JPT2: variants seen among roughly 807,000 people sequenced by gnomAD.
JPT2 encodes the protein Jupiter microtubule associated homolog 2, also known as CRAMP_1 like.
In JPT2, 9 loss-of-function variants were observed where a neutral mutation model predicts 15.9. The ratio of observed to expected loss-of-function variants is 0.57; its 90% CI spans 0.34 to 0.99. The LOEUF (loss-of-function observed/expected upper bound fraction) is 0.99, where lower values mean the gene tolerates loss of function less well. Ranked by LOEUF, JPT2 falls within the 50% of genes least tolerant of loss-of-function variation. The pLI, the probability that JPT2 is intolerant of heterozygous loss-of-function variation, is 0.02. For synonymous variants in JPT2, 95 were observed against 91.7 expected (o/e 1.04, Z -0.21); for missense variants, 267 against 252.1 (o/e 1.06, Z -0.40).
At position 1,699,854 on chromosome 16, in the gene JPT2, G is replaced by A. The variant is rs1316661904; in HGVS notation, c.*856G>A. ...ATAAATGAGGCCCGCTGACCTCTGC[G>A]GGACTTTAAAAATCTATTCAGATAT... On this transcript the variant is annotated 3_prime_UTR_variant, in exon 5 of 5. Coordinates refer to ENST00000248098, the MANE Select transcript of JPT2 (RefSeq NM_144570.3). The A allele has an allele frequency of 2.8e-5, 8 of 284,932 alleles. No homozygotes were observed. Among genetic ancestry groups the A allele is most frequent in the Admixed American group, 4.0e-5 (1 of 24,756 alleles). 17.7% of individuals were successfully genotyped at this position (284,932 alleles called of 1,614,324 possible). A position where few individuals can be genotyped will look rare whatever the true frequency, so the allele number is the denominator to read the frequency against.
chr16:1,690,830 G>A (rs2037099274), intron 2 of JPT2, among the ~76,000 whole-genome samples: 2 of 152,210 alleles, frequency 1.3e-5, no homozygotes, highest in African/African-American at 4.8e-5. Flanking sequence ...AGAAAATAGA[G>A]TTGACATGTT....
chr16:1,693,386 TGTGCC>T lies in JPT2; in HGVS notation c.336+1402_336+1406del, dbSNP rs2037118009. On this transcript the variant is annotated intron_variant, in intron 3 of 4. Coordinates refer to ENST00000248098, the MANE Select transcript of JPT2 (RefSeq NM_144570.3). The stretch of plus-strand genomic sequence containing the variant: ...TGCTGGGATTACAAATGTGAGCCAC[TGTGCC>T]CTGCCATGCTGTCTGAGTTATTTTC... Among the ~76,000 whole-genome samples, 3 of 152,222 alleles carry T rather than the reference TGTGCC, an allele frequency of 2.0e-5. No individual in the cohort carries two copies. In the South Asian group the frequency reaches 6.2e-4, roughly 32 times the overall value.
At chr16:1,685,089 C>T (rs1419678586) in intron 1 of JPT2, among the ~76,000 whole-genome samples, 2 of 151,988 alleles carry the variant, frequency 1.3e-5, no homozygotes, top group Non-Finnish European at 2.9e-5. Context: ...CACTTTGGGA[C>T]GCCAAGGTGG....
intron 1 of JPT2, among the ~76,000 whole-genome samples, chr16:1,681,368 C>G (rs116251976): frequency 0.019 from 2,952 of 152,312 alleles, 118 homozygotes; most frequent in African/African-American, 0.067. Flanking sequence ...GCCATAATTT[C>G]TGCTAAAACC....
rs2036988874 is a variant in JPT2 at position 1,678,306 on chromosome 16, G to A, written c.-7G>A. On this transcript the variant is annotated 5_prime_UTR_variant, in exon 1 of 5. Coordinates refer to ENST00000248098, the MANE Select transcript of JPT2 (RefSeq NM_144570.3). The stretch of plus-strand genomic sequence containing the variant: ...CGCGCGGCGAGCTGAGGGTGGCGGC[G>A]GTCGACATGTTCCAGGTCCCGGATA... The A allele has an allele frequency of 4.0e-6, 5 of 1,237,620 alleles. No homozygotes were observed. Among genetic ancestry groups the A allele is most frequent in the Middle Eastern group, 2.4e-4 (1 of 4,134 alleles). The allele number at this position is 1,237,620 out of a possible 1,614,324, so 76.7% of individuals were successfully genotyped here. A position where few individuals can be genotyped will look rare whatever the true frequency, so the allele number is the denominator to read the frequency against.
rs937703883 is a variant in JPT2 at position 1,698,064 on chromosome 16, C to T, written c.385+204C>T. ...AACCCTGGGACTTGGTTGTCTTGCT[C>T]ATCAGCCTAGGCCCAGGGCCATGGG... On this transcript the variant is annotated intron_variant, in intron 4 of 4. Coordinates refer to ENST00000248098, the MANE Select transcript of JPT2 (RefSeq NM_144570.3). The surrounding 1 kb of genome is among the most constrained non-coding windows in gnomAD (Gnocchi z 4.9). 1.4e-4 allele frequency among the ~76,000 whole-genome samples: 22 copies of T among 152,226 alleles called. No individual in the cohort carries two copies. Among genetic ancestry groups the T allele is most frequent in the African/African-American group, 5.1e-4 (21 of 41,456 alleles).
rs760092744 is a variant in JPT2, at chr16:1,697,877, T to C, written c.385+17T>C. 12 of 1,611,360 alleles carry C rather than the reference T, an allele frequency of 7.4e-6. No homozygotes were observed. The highest frequency in any genetic ancestry group is 1.0e-5 in the Non-Finnish European group (12 of 1,177,646). ...ATCTTAAAGGTGAGCTTTTGTTTTC[T>C]TTCCCTTCTCCTGAGTGGCCTCATT... is the stretch of plus-strand genomic sequence containing the variant. On this transcript the variant is annotated intron_variant, in intron 4 of 4. Transcript: ENST00000248098.
In JPT2 at chr16:1,698,858, G is replaced by A. The variant is rs752003837; in HGVS notation, c.433G>A (p.Ala145Thr). Residue 145 changes from alanine (A) to threonine (T), a missense_variant, in exon 5 of 5, where the codon GCC (alanine) becomes ACC (threonine). Physicochemically the swap from Ala to Thr is moderately conservative, Grantham distance 58. Coordinates refer to ENST00000248098, the MANE Select transcript of JPT2 (RefSeq NM_144570.3). This position sits in a 1 kb window ranked among gnomAD's most constrained non-coding sequence, Gnocchi z 4.9. ...AGAEPGEKGS[A>T]RKAGPAKEQE... ...AGCAGAGCCAGGTGAGAAAGGCAGC[G>A]CCAGAAAAGCAGGCCCCGCCAAGGA... is the stretch of plus-strand genomic sequence containing the variant. 39 of 1,614,108 alleles carry A rather than the reference G, an allele frequency of 2.4e-5. No individual in the cohort carries two copies. The highest frequency in any genetic ancestry group is 5.0e-5 in the Admixed American group (3 of 59,980).
At chr16:1,702,531 G>A (rs574037495), downstream of JPT2, among the ~76,000 whole-genome samples, 11 of 152,336 alleles carry the variant, frequency 7.2e-5, no homozygotes, top group South Asian at 2.1e-4. Flanking sequence ...CTCGAGCCCC[G>A]TGCCTTGTCC....
rs554050086 is a variant in JPT2 at position 1,683,069 on chromosome 16, C to T, written c.45-2370C>T. On this transcript the variant is annotated intron_variant, in intron 1 of 4. Transcript: ENST00000248098. ...TTGGTTCACTGCAAGCTCCGCCTCC[C>T]GGGTTCACGCCATTCTCCTGCCCCA... Among the ~76,000 whole-genome samples, 13 of 152,310 alleles carry T rather than the reference C, an allele frequency of 8.5e-5. No individual in the cohort carries two copies. In the South Asian group the frequency reaches 1.0e-3, roughly 12 times the overall value.
intron 1 of JPT2, among the ~76,000 whole-genome samples, chr16:1,682,498 C>A (rs2037031246): frequency 6.6e-6 from 1 of 152,012 alleles, no homozygotes; most frequent in African/African-American, 2.4e-5. Flanking sequence ...ATGGTGAAAC[C>A]CCGTCTCTAC....
intron 2 of JPT2, among the ~76,000 whole-genome samples, chr16:1,687,752 C>T (rs2037078199): frequency 6.6e-6 from 1 of 152,204 alleles, no homozygotes; most frequent in Non-Finnish European, 1.5e-5. Flanking sequence ...TTTCCTATCT[C>T]TCCAGTGCTC....
chr16:1,695,431 G>A (rs776955996), intron 3 of JPT2, among the ~76,000 whole-genome samples: 157 of 150,876 alleles, frequency 1.0e-3, no homozygotes, highest in Non-Finnish European at 1.9e-3. Flanking sequence ...AATCAGTTGC[G>A]TATGGTTGCG....
intron 1 of JPT2, among the ~76,000 whole-genome samples, chr16:1,684,427 G>A (rs1241210309): frequency 6.6e-6 from 1 of 152,126 alleles, no homozygotes; most frequent in African/African-American, 2.4e-5. Flanking sequence ...TAGTTCTTAA[G>A]TTTAAGTTTT....
intron 2 of JPT2, chr16:1,690,476 G>A (rs1333825858): frequency 1.3e-5 from 2 of 152,070 alleles, no homozygotes; most frequent in East Asian, 3.9e-4. Flanking sequence ...CTTTGGAGTT[G>A]GTGTTTCCAG....
chr16:1,695,757 G>C (rs2142229579), intron 3 of JPT2, among the ~76,000 whole-genome samples: 1 of 152,170 alleles, frequency 6.6e-6, no homozygotes, highest in East Asian at 1.9e-4. Flanking sequence ...TGTGGTCCCA[G>C]CTGTTCAGGA....
chr16:1,686,900 C>G (rs535874055), intron 2 of JPT2, among the ~76,000 whole-genome samples: 125 of 152,202 alleles, frequency 8.2e-4, no homozygotes, highest in African/African-American at 2.8e-3. Context: ...CCACTCCCGA[C>G]CTCACTCCGT....
At chr16:1,702,595 G>A (rs1474465307), downstream of JPT2, among the ~76,000 whole-genome samples, 1 of 152,196 alleles carries the variant, frequency 6.6e-6, no homozygotes, top group East Asian at 1.9e-4. Flanking sequence ...GATCTTTGTG[G>A]TGTACCTGGT....
At chr16:1,695,793 C>T (rs2037137316) in intron 3 of JPT2, among the ~76,000 whole-genome samples, 2 of 152,032 alleles carry the variant, frequency 1.3e-5, no homozygotes, top group African/African-American at 4.8e-5. Flanking sequence ...ATCACTTGAG[C>T]CCAGGAGGCA....
Sources: gnomAD v4.1 joint callset for allele counts (sites outside exome capture counted in the v4.1 genomes callset) on GRCh38, gnomAD v4.1.1 for gene constraint, Gnocchi (gnomAD v3.1) non-coding constraint, MANE v1.5 for transcripts, NCBI Gene and HGNC (gene_info 2026-07-23, HGNC 2026-07-21) for gene names.